ZSCAN23: variants seen among roughly 807,000 people sequenced by gnomAD.
The protein encoded by ZSCAN23 is zinc finger and SCAN domain-containing protein 23.
In ZSCAN23, 19 loss-of-function variants were observed where a neutral mutation model predicts 19.3. The observed-to-expected ratio is 0.99, with a 90% CI of 0.69 to 1.45. The LOEUF (loss-of-function observed/expected upper bound fraction) is 1.45, where lower values mean the gene tolerates loss of function less well. ZSCAN23 is among the 40% of genes most tolerant of loss of function. The pLI is 0.00. For synonymous variants in ZSCAN23, 140 were observed against 166.2 expected (o/e 0.84, Z 1.21); for missense variants, 372 against 462.5 (o/e 0.80, Z 1.79).
chr6:28,441,234 A>T (rs1467672555), intron 1 of ZSCAN23, among the ~76,000 whole-genome samples: 2 of 151,962 alleles, frequency 1.3e-5, no homozygotes, highest in Non-Finnish European at 2.9e-5. Context: ...CACGACCCTC[A>T]CCTCCGCTGA....
In ZSCAN23 at chr6:28,436,310, C is replaced by T. The variant is rs759282285; in HGVS notation, c.-44G>A. 2.8e-6 allele frequency: 4 copies of T among 1,445,682 alleles called. No individual in the cohort carries two copies. Among genetic ancestry groups the T allele is most frequent in the East Asian group, 2.5e-5 (1 of 39,884 alleles). 89.6% of individuals were successfully genotyped at this position (1,445,682 alleles called of 1,614,324 possible). A position where few individuals can be genotyped will look rare whatever the true frequency, so the allele number is the denominator to read the frequency against. ...GAAAAATAATCTATTCTTGATAATT[C>T]TCCCTTGATCTTTTCTTCTGGAAAC... is the stretch of plus-strand genomic sequence containing the variant. On this transcript the variant is annotated 5_prime_UTR_variant, in exon 2 of 4. Coordinates refer to ENST00000289788, the MANE Select transcript of ZSCAN23 (RefSeq NM_001012455.2).
downstream of ZSCAN23, chr6:28,432,557 C>G (rs547786490): frequency 6.6e-6 from 1 of 152,232 alleles, no homozygotes; most frequent in South Asian, 2.1e-4. Flanking sequence ...ATTCTGGTTG[C>G]CCACGCCTTG....
chr6:28,435,369 G>C, intron 3 of ZSCAN23, 91 bp downstream of exon 3: 3 of 1,455,138 alleles, frequency 2.1e-6, no homozygotes, highest in South Asian at 1.4e-5. Context: ...CTGGCACAGT[G>C]CCTGGCATAC....
At chr6:28,425,524 T>C in the ZSCAN23 span, among the ~76,000 whole-genome samples, 1 of 152,122 alleles carries the variant, frequency 6.6e-6, no homozygotes, top group Non-Finnish European at 1.5e-5. Context: ...AGACAGGGTT[T>C]TTCCATGTTG....
At chr6:28,439,454 T>C (rs951870971) in intron 1 of ZSCAN23, among the ~76,000 whole-genome samples, 2 of 152,158 alleles carry the variant, frequency 1.3e-5, no homozygotes, top group Non-Finnish European at 2.9e-5. Flanking sequence ...CTGTCATAAC[T>C]TTTCATACAC....
rs1761875485 is a variant in ZSCAN23 at position 28,435,928 on chromosome 6, AG to A, written c.338del (p.Pro113LeufsTer2). The A allele has an allele frequency of 1.9e-6, 3 of 1,613,950 alleles. No homozygotes were observed. The highest frequency in any genetic ancestry group is 2.5e-6 in the Non-Finnish European group (3 of 1,180,002). ...ELQAWVRQHR[P>X]VSGEEAVTVL... ...CAGTCACTGCCTCCTCTCCACTCAC[AG>A]GACGGTGCTGTCTGACCCAGGCCTG... On this transcript the variant is annotated frameshift_variant, in exon 2 of 4. Coordinates refer to ENST00000289788, the MANE Select transcript of ZSCAN23 (RefSeq NM_001012455.2). LOFTEE classifies it high-confidence loss of function.
At chr6:28,430,346 C>G (rs139625880), downstream of ZSCAN23, among the ~76,000 whole-genome samples, 1 of 152,218 alleles carries the variant, frequency 6.6e-6, no homozygotes, top group African/African-American at 2.4e-5. Flanking sequence ...CTAGTCATGT[C>G]TCTCAGAAGA....
chr6:28,431,357 G>T (rs1581801009), downstream of ZSCAN23, among the ~76,000 whole-genome samples: 1 of 152,180 alleles, frequency 6.6e-6, no homozygotes, highest in East Asian at 1.9e-4. Flanking sequence ...GTACCTCCTG[G>T]TTTATACCTG....
Position 28,434,723 on chromosome 6 carries a change from G to A in ZSCAN23, c.912C>T (p.Arg304=), listed in dbSNP as rs200082680. The A allele has an allele frequency of 6.3e-7, 1 of 1,598,060 alleles. No individual in the cohort carries two copies. Among genetic ancestry groups the A allele is most frequent in the South Asian group, 1.1e-5 (1 of 88,890 alleles). ...QHQRLHTGEK[R]YQCSVCGKAF... is the part of the protein sequence containing the mutation. Reference sequence around the variant, plus strand: ...CTTTGCCACAAACACTGCACTGGTAGCGCTTCTCCCCAGTGTGGAGTCTCT... The same window carrying A: ...CTTTGCCACAAACACTGCACTGGTAACGCTTCTCCCCAGTGTGGAGTCTCT... Residue 304 remains arginine, a synonymous_variant, in exon 4 of 4, where the codon CGC becomes CGT. Coordinates refer to ENST00000289788, the MANE Select transcript of ZSCAN23 (RefSeq NM_001012455.2).
At chr6:28,440,374 A>T (rs1450684466) in intron 1 of ZSCAN23, among the ~76,000 whole-genome samples, 1 of 152,176 alleles carries the variant, frequency 6.6e-6, no homozygotes, top group Non-Finnish European at 1.5e-5. Flanking sequence ...CATTTAACAC[A>T]AAAGCATAAC....
chr6:28,442,774 T>A (rs904513420), intron 1 of ZSCAN23, among the ~76,000 whole-genome samples: 8 of 152,242 alleles, frequency 5.3e-5, no homozygotes, highest in African/African-American at 1.9e-4. Context: ...TTGGGCAAGT[T>A]ACTAACTTCA....
At chr6:28,438,570 GA>G (rs1761938486) in intron 1 of ZSCAN23, among the ~76,000 whole-genome samples, 1 of 152,186 alleles carries the variant, frequency 6.6e-6, no homozygotes, top group Non-Finnish European at 1.5e-5. Flanking sequence ...GAGGCCTCAG[GA>G]AACTTACAAT....
chr6:28,435,222 G>A, intron 3 of ZSCAN23, 144 bp from the exon 4 acceptor site: 1 of 1,115,442 alleles, frequency 9.0e-7, no homozygotes, highest in East Asian at 2.6e-5. Flanking sequence ...CCACTCTAAA[G>A]CTATTATACC....
chr6:28,434,820 G>A lies in ZSCAN23; in HGVS notation c.815C>T (p.Thr272Ile). Residue 272 changes from threonine to isoleucine, a missense_variant, in exon 4 of 4, where the codon ACA becomes ATA. By Grantham distance (89) the Thr-to-Ile change is moderately conservative. Coordinates refer to ENST00000289788, the MANE Select transcript of ZSCAN23 (RefSeq NM_001012455.2). ...ATCACATTCATAAGGCTTCTCACCT[G>A]TGTGTGTTCTCTGGTGCTCGATAAG... is the stretch of plus-strand genomic sequence containing the variant. ...SILIEHQRTH[T>I]GEKPYECDEC... 1 of 1,596,220 alleles carries A rather than the reference G, an allele frequency of 6.3e-7. No individual in the cohort carries two copies. Among genetic ancestry groups the A allele is most frequent in the Non-Finnish European group, 8.5e-7 (1 of 1,171,176 alleles).
chr6:28,437,112 A>G (rs1361709351), intron 1 of ZSCAN23, among the ~76,000 whole-genome samples: 1 of 152,262 alleles, frequency 6.6e-6, no homozygotes, highest in Middle Eastern at 3.2e-3. Flanking sequence ...GTATGATTAA[A>G]TGAATATCCT....
Position 28,432,717 on chromosome 6 carries a change from A to C in ZSCAN23, c.*1748T>G, listed in dbSNP as rs1473008212. ...GTTTGTTAAACTATGGAGTATGAAC[A>C]AATAAAATTCTATTCACTTATAAAA... is the stretch of plus-strand genomic sequence containing the variant. On this transcript the variant is annotated 3_prime_UTR_variant, in exon 4 of 4. Transcript: ENST00000289788. 1 of 152,196 alleles carries C rather than the reference A, an allele frequency of 6.6e-6. No individual in the cohort carries two copies. Among genetic ancestry groups the C allele is most frequent in the African/African-American group, 2.4e-5 (1 of 41,462 alleles). The allele number at this position is 152,196 out of a possible 1,614,324, so 9.4% of individuals were successfully genotyped here.
At position 28,434,833 on chromosome 6, in the gene ZSCAN23, G is replaced by A; in HGVS notation, c.802C>T (p.Gln268Ter). 6.3e-7 allele frequency: 1 copy of A among 1,591,696 alleles called. No homozygotes were observed. The highest frequency in any genetic ancestry group is 8.6e-7 in the Non-Finnish European group (1 of 1,168,938). The stretch of plus-strand genomic sequence containing the variant: ...GGCTTCTCACCTGTGTGTGTTCTCT[G>A]GTGCTCGATAAGGATGGAATTCTGG... ...FTQNSILIEHQRTHTGEKPYE... is the reference protein window; with the variant it reads ...FTQNSILIEH Residue 268 changes from glutamine (Q) to a stop codon, truncating the protein, a stop_gained, in exon 4 of 4, where the codon CAG (glutamine) becomes TAG (stop). Coordinates refer to ENST00000289788, the MANE Select transcript of ZSCAN23 (RefSeq NM_001012455.2). LOFTEE classifies it low-confidence loss of function (END_TRUNC).
Position 28,433,596 on chromosome 6 carries a change from T to G in ZSCAN23, c.*869A>C, listed in dbSNP as rs1188709180. 1.8e-4 allele frequency: 1 copy of G among 5,644 alleles called. No homozygotes were observed. The highest frequency in any genetic ancestry group is 2.2e-3 in the African/African-American group (1 of 456). 0.3% of individuals were successfully genotyped at this position (5,644 alleles called of 1,614,324 possible). ...TTATGATCTTGGTGGTAATCAATAG[T>G]AAATGCTGAGAAAATGTGGAGGTTA... is the stretch of plus-strand genomic sequence containing the variant. On this transcript the variant is annotated 3_prime_UTR_variant, in exon 4 of 4. Transcript: ENST00000289788.
In ZSCAN23 at chr6:28,432,886, TA is replaced by T. The variant is rs1396140565; in HGVS notation, c.*1578del. 1 of 152,128 alleles carries T rather than the reference TA, an allele frequency of 6.6e-6. No individual in the cohort carries two copies. Among genetic ancestry groups the T allele is most frequent in the African/African-American group, 2.4e-5 (1 of 41,444 alleles). The allele number at this position is 152,128 out of a possible 1,614,324, so 9.4% of individuals were successfully genotyped here. A position where few individuals can be genotyped will look rare whatever the true frequency, so the allele number is the denominator to read the frequency against. On this transcript the variant is annotated 3_prime_UTR_variant, in exon 4 of 4. Transcript: ENST00000289788. ...AAGATTATACATTCATATTTGCCTA[TA>T]TTTACATAAAGAAACACTGAAAGAT...
Sources: allele counts gnomAD v4.1 joint callset (sites outside exome capture counted in the v4.1 genomes callset), GRCh38; gene constraint gnomAD v4.1.1; transcripts MANE v1.5; gene names NCBI Gene and HGNC (gene_info 2026-07-23, HGNC 2026-07-21).